OR9Q1: variants seen among roughly 807,000 people sequenced by gnomAD.
OR9Q1 encodes olfactory receptor 9Q1.
For missense variants in OR9Q1, 374 were observed against 378.8 expected, an observed-to-expected ratio of 0.99 and a Z score of 0.11; for synonymous variants, 153 against 148.6, an observed-to-expected ratio of 1.03 and a Z score of -0.22.
chr11:58,163,151 TA>T (rs1854471088), intron 2 of OR9Q1, among the ~76,000 whole-genome samples: 1 of 152,232 alleles, frequency 6.6e-6, no homozygotes, highest in South Asian at 2.1e-4. Context: ...GCTCAAATTT[TA>T]ATTTTAAGGT....
At chr11:58,037,213 G>A (rs1001753733) in intron 1 of OR9Q1, among the ~76,000 whole-genome samples, 13 of 152,112 alleles carry the variant, frequency 8.5e-5, no homozygotes, top group Admixed American at 2.6e-4. Context: ...ATTTTTTTTA[G>A]CAATAAAGTA....
intron 1 of OR9Q1, among the ~76,000 whole-genome samples, chr11:58,055,258 A>G (rs1177728265): frequency 6.6e-6 from 1 of 152,140 alleles, no homozygotes; most frequent in African/African-American, 2.4e-5. Context: ...AAAAAACACT[A>G]AAAAGGTGTT....
intron 2 of OR9Q1, among the ~76,000 whole-genome samples, chr11:58,079,863 A>C (rs900101445): frequency 3.3e-5 from 5 of 152,128 alleles, no homozygotes; most frequent in Non-Finnish European, 7.3e-5. Context: ...GCCAAGTCCC[A>C]CTCAGACCAG....
intron 2 of OR9Q1, among the ~76,000 whole-genome samples, chr11:58,064,298 C>T (rs1853408230): frequency 1.3e-5 from 2 of 152,224 alleles, no homozygotes; most frequent in Admixed American, 1.3e-4. Flanking sequence ...TAGTCCAATA[C>T]TCGTCTCCCG....
chr11:58,027,778 T>C (rs1183028945), intron 1 of OR9Q1, among the ~76,000 whole-genome samples: 1 of 152,190 alleles, frequency 6.6e-6, no homozygotes, highest in Non-Finnish European at 1.5e-5. Context: ...CCTTCTCTCT[T>C]ATATCCTACT....
At chr11:58,165,201 G>T (rs1854489654) in intron 2 of OR9Q1, among the ~76,000 whole-genome samples, 1 of 152,224 alleles carries the variant, frequency 6.6e-6, no homozygotes, top group Non-Finnish European at 1.5e-5. Context: ...GTGAATATTT[G>T]TGGACTAAAT....
intron 2 of OR9Q1, among the ~76,000 whole-genome samples, chr11:58,142,193 C>T (rs1854256535): frequency 6.6e-6 from 1 of 152,026 alleles, no homozygotes; most frequent in Non-Finnish European, 1.5e-5. Flanking sequence ...ACAGCACTTA[C>T]CAACTTCCAT....
At chr11:58,178,565 A>G (rs1337028055) in intron 2 of OR9Q1, among the ~76,000 whole-genome samples, 1 of 152,090 alleles carries the variant, frequency 6.6e-6, no homozygotes, top group African/African-American at 2.4e-5. Context: ...GATATCAGGG[A>G]GGAGTTGTGG....
chr11:58,153,173 C>A (rs921799191), intron 2 of OR9Q1, among the ~76,000 whole-genome samples: 1 of 152,054 alleles, frequency 6.6e-6, no homozygotes, highest in African/African-American at 2.4e-5. Context: ...AAATGAAAAC[C>A]AAGGTGGTGA....
intron 1 of OR9Q1, among the ~76,000 whole-genome samples, chr11:58,025,491 G>A (rs1410407551): frequency 3.9e-5 from 6 of 152,318 alleles, no homozygotes; most frequent in Non-Finnish European, 5.9e-5. Context: ...GAGCCACTGC[G>A]CCCGGCCTCC....
intron 1 of OR9Q1, among the ~76,000 whole-genome samples, chr11:58,035,284 G>A (rs1853090721): frequency 6.6e-6 from 1 of 152,056 alleles, no homozygotes; most frequent in African/African-American, 2.4e-5. Flanking sequence ...AACAAATTGT[G>A]GTAGACAATC....
rs1050268284 is a variant in OR9Q1 at position 58,143,470 on chromosome 11, G to A, written c.-14-35961G>A. On this transcript the variant is annotated intron_variant, in intron 2 of 2. Coordinates refer to ENST00000335397, the MANE Select transcript of OR9Q1 (RefSeq NM_001005212.4). ...TTGGGACCTGTCAGAAGTTTTGGAA[G>A]TGCCTAAGGAAATGATGTCTAACCT... is the stretch of plus-strand genomic sequence containing the variant. Among the ~76,000 whole-genome samples, 14 of 152,324 alleles carry A rather than the reference G, an allele frequency of 9.2e-5. No homozygotes were observed. In the East Asian group the frequency reaches 2.7e-3, roughly 29 times the overall value.
intron 2 of OR9Q1, among the ~76,000 whole-genome samples, chr11:58,080,631 C>T (rs1263192944): frequency 6.6e-6 from 1 of 152,120 alleles, no homozygotes; most frequent in African/African-American, 2.4e-5. Flanking sequence ...TTCCCTTTTT[C>T]CACAGCCTCA....
chr11:58,038,382 A>G (rs1257667826), intron 1 of OR9Q1, among the ~76,000 whole-genome samples: 1 of 152,196 alleles, frequency 6.6e-6, no homozygotes, highest in African/African-American at 2.4e-5. Context: ...AGTTTCTAAA[A>G]ATATAGTTTC....
chr11:58,076,206 C>T (rs1484379473), intron 2 of OR9Q1, among the ~76,000 whole-genome samples: 2 of 152,182 alleles, frequency 1.3e-5, no homozygotes, highest in Non-Finnish European at 2.9e-5. Context: ...TAACAAATTA[C>T]TACATTTAGC....
At chr11:58,161,812 G>A (rs771965047) in intron 2 of OR9Q1, among the ~76,000 whole-genome samples, 1 of 152,178 alleles carries the variant, frequency 6.6e-6, no homozygotes, top group Non-Finnish European at 1.5e-5. Context: ...GATTACAGGC[G>A]TGAGCCACCG....
intron 1 of OR9Q1, chr11:58,031,019 C>T: frequency 6.2e-7 from 1 of 1,614,106 alleles, no homozygotes; most frequent in Non-Finnish European, 8.5e-7. Context: ...TGCTGGCATC[C>T]ATGAAGCACA....
chr11:58,039,064 A>G (rs1284134325), intron 1 of OR9Q1, among the ~76,000 whole-genome samples: 1 of 152,108 alleles, frequency 6.6e-6, no homozygotes, highest in Non-Finnish European at 1.5e-5. Flanking sequence ...ATCTTGGCTC[A>G]CTGCAATCTC....
At chr11:58,057,854 A>G (rs1246604883) in intron 2 of OR9Q1, 1 of 152,232 alleles carries the variant, frequency 6.6e-6, no homozygotes, top group Non-Finnish European at 1.5e-5. Context: ...CATAACATGC[A>G]TTAATCACCA....
Sources: allele counts gnomAD v4.1 joint callset (sites outside exome capture counted in the v4.1 genomes callset), GRCh38; gene constraint gnomAD v4.1.1; transcripts MANE v1.5; gene names NCBI Gene and HGNC (gene_info 2026-07-23, HGNC 2026-07-21).